GRID2: variants seen among roughly 807,000 people sequenced by gnomAD.
GRID2 encodes glutamate ionotropic receptor delta type subunit 2.
GRID2 carries 33 observed loss-of-function variants against 114.8 expected under a neutral mutation model. The ratio of observed to expected loss-of-function variants is 0.29; its 90% CI spans 0.22 to 0.38. The LOEUF is 0.38. GRID2 is among the 10% of genes least tolerant of loss of function. The pLI is 1.00. For missense variants in GRID2, 1,184 were observed against 1,257.7 expected (o/e 0.94, Z 0.89); for synonymous variants, 505 against 449.9 (o/e 1.12, Z -1.55).
intron 4 of GRID2, among the ~76,000 whole-genome samples, chr4:93,184,119 G>T (rs1408338799): frequency 6.6e-6 from 1 of 152,142 alleles, no homozygotes; most frequent in Non-Finnish European, 1.5e-5. Context: ...TTGGATAAAG[G>T]AAAGAAGTAA....
intron 13 of GRID2, among the ~76,000 whole-genome samples, chr4:93,571,493 T>G (rs1229687515): frequency 6.6e-6 from 1 of 152,124 alleles, no homozygotes; most frequent in Non-Finnish European, 1.5e-5. Flanking sequence ...TAAACTGAAC[T>G]TGGGCATGAA....
At chr4:93,202,103 A>T (rs980772020) in intron 4 of GRID2, among the ~76,000 whole-genome samples, 1 of 152,194 alleles carries the variant, frequency 6.6e-6, no homozygotes, top group African/African-American at 2.4e-5. Flanking sequence ...GAATTATAGG[A>T]TAAGAGGAAG....
chr4:92,304,246 G>A lies in GRID2; in HGVS notation c.-411G>A, dbSNP rs2110098222. 4.6e-6 allele frequency: 1 copy of A among 219,260 alleles called. No homozygotes were observed. Among genetic ancestry groups the A allele is most frequent in the East Asian group, 1.6e-4 (1 of 6,318 alleles). 13.6% of individuals were successfully genotyped at this position (219,260 alleles called of 1,614,324 possible). ...TTGGTCCGAGAGGGTGCGGGGAAGG[G>A]GGCACATCCGGCGTGAGGGGGGTGT... On this transcript the variant is annotated 5_prime_UTR_variant, in exon 1 of 16. Coordinates refer to ENST00000282020, the MANE Select transcript of GRID2 (RefSeq NM_001510.4).
intron 2 of GRID2, among the ~76,000 whole-genome samples, chr4:92,623,232 T>A (rs994987190): frequency 6.6e-6 from 1 of 151,628 alleles, no homozygotes; most frequent in Non-Finnish European, 1.5e-5. Flanking sequence ...TTCAATAGAA[T>A]AAGTACTTTG....
chr4:93,039,120 A>G (rs1346890326), intron 2 of GRID2, among the ~76,000 whole-genome samples: 1 of 152,170 alleles, frequency 6.6e-6, no homozygotes, highest in Non-Finnish European at 1.5e-5. Flanking sequence ...CATATACACC[A>G]TGGAATACTA....
At chr4:93,119,188 C>G (rs1206150359) in intron 4 of GRID2, among the ~76,000 whole-genome samples, 1 of 152,118 alleles carries the variant, frequency 6.6e-6, no homozygotes, top group African/African-American at 2.4e-5. Context: ...AAGAAAAATA[C>G]TGCAGTTATG....
chr4:93,185,370 A>T (rs905954111), intron 4 of GRID2, among the ~76,000 whole-genome samples: 1 of 152,194 alleles, frequency 6.6e-6, no homozygotes, highest in African/African-American at 2.4e-5. Flanking sequence ...TCATTGATCC[A>T]AAAGAAGATA....
chr4:92,579,593 C>T lies in GRID2; in HGVS notation c.89-10538C>T, dbSNP rs544832251. On this transcript the variant is annotated intron_variant, in intron 1 of 15. Coordinates refer to ENST00000282020, the MANE Select transcript of GRID2 (RefSeq NM_001510.4). ...AACCCAGAGAGTTTTAGATTTAAGT[C>T]CTATATCATGTATGTTTTAGCATGT... Among the ~76,000 whole-genome samples, 3 of 151,912 alleles carry T rather than the reference C, an allele frequency of 2.0e-5. No individual in the cohort carries two copies. The East Asian group carries it at 5.8e-4, about 29-fold the overall frequency.
chr4:93,622,386 A>G (rs1007598686), intron 13 of GRID2, among the ~76,000 whole-genome samples: 3 of 152,182 alleles, frequency 2.0e-5, no homozygotes, highest in African/African-American at 7.2e-5. Flanking sequence ...ATCATTAGTA[A>G]TAAAAAAGTG....
chr4:93,608,131 T>C (rs1414620985), intron 13 of GRID2, among the ~76,000 whole-genome samples: 1 of 149,728 alleles, frequency 6.7e-6, no homozygotes, highest in African/African-American at 2.4e-5. Context: ...TGTGTATATA[T>C]ATACGTCTAT....
chr4:92,906,762 G>C (rs559119663), intron 2 of GRID2, among the ~76,000 whole-genome samples: 1 of 152,050 alleles, frequency 6.6e-6, no homozygotes, highest in South Asian at 2.1e-4. Flanking sequence ...GGGACTACAG[G>C]CACCTCCATT....
At chr4:92,917,310 T>C (rs997705578) in intron 2 of GRID2, among the ~76,000 whole-genome samples, 19 of 152,180 alleles carry the variant, frequency 1.2e-4, no homozygotes, top group Non-Finnish European at 1.9e-4. Context: ...TTCTGTAGGT[T>C]GCCTGTTCAC....
chr4:92,496,503 A>G (rs538541652), intron 1 of GRID2, among the ~76,000 whole-genome samples: 5 of 152,012 alleles, frequency 3.3e-5, no homozygotes, highest in African/African-American at 1.2e-4. Context: ...TCATCACTAA[A>G]ACTGTAACAG....
Position 92,722,448 on chromosome 4 carries a change from A to G in GRID2, c.244+132162A>G, listed in dbSNP as rs567402548. Among the ~76,000 whole-genome samples, 5 of 152,282 alleles carry G rather than the reference A, an allele frequency of 3.3e-5. No individual in the cohort carries two copies. The South Asian group carries it at 8.3e-4, about 25-fold the overall frequency. On this transcript the variant is annotated intron_variant, in intron 2 of 15. Coordinates refer to ENST00000282020, the MANE Select transcript of GRID2 (RefSeq NM_001510.4). The stretch of plus-strand genomic sequence containing the variant: ...TTATCTTACTCCTGAGAATGAGGAA[A>G]AGGGGAACGGGTGGGGTGGCAATCC...
intron 14 of GRID2, among the ~76,000 whole-genome samples, chr4:93,738,766 G>C (rs765851629): frequency 8.6e-5 from 13 of 151,934 alleles, no homozygotes; most frequent in Non-Finnish European, 1.6e-4. Context: ...AATCTGGACA[G>C]GTAACAGATT....
chr4:93,765,972 A>G (rs558604595), intron 14 of GRID2, among the ~76,000 whole-genome samples: 1 of 152,304 alleles, frequency 6.6e-6, no homozygotes, highest in Non-Finnish European at 1.5e-5. Context: ...GAATGGAATA[A>G]ATTAGAAAAC....
In GRID2 at chr4:93,708,585, G is replaced by A. The variant is rs1216850377; in HGVS notation, c.2361-60625G>A. On this transcript the variant is annotated intron_variant, in intron 14 of 15. Coordinates refer to ENST00000282020, the MANE Select transcript of GRID2 (RefSeq NM_001510.4). ...TAGGCGAAGTGTGTTTCTTGTACAT[G>A]AGAGATTGTTGAATGTTGTTTTTTT... Among the ~76,000 whole-genome samples, 4 of 151,874 alleles carry A rather than the reference G, an allele frequency of 2.6e-5. No homozygotes were observed. In the East Asian group the frequency reaches 7.7e-4, roughly 29 times the overall value.
At chr4:92,470,208 A>G (rs1721965384) in intron 1 of GRID2, among the ~76,000 whole-genome samples, 1 of 151,978 alleles carries the variant, frequency 6.6e-6, no homozygotes, top group South Asian at 2.1e-4. Context: ...ATCCTAAGCT[A>G]TAATTGGATG....
At chr4:92,578,222 CTT>C (rs997712459) in intron 1 of GRID2, among the ~76,000 whole-genome samples, 7 of 149,454 alleles carry the variant, frequency 4.7e-5, no homozygotes, top group African/African-American at 1.7e-4. Context: ...CACCCATTGA[CTT>C]ATCATTTAGC....
Sources: allele counts gnomAD v4.1 joint callset (sites outside exome capture counted in the v4.1 genomes callset), GRCh38; gene constraint gnomAD v4.1.1; transcripts MANE v1.5; gene names NCBI Gene and HGNC (gene_info 2026-07-23, HGNC 2026-07-21).